CDH13: variants seen among roughly 807,000 people sequenced by gnomAD.
CDH13 encodes cadherin-13.
A neutral mutation model predicts 63.8 loss-of-function variants in CDH13; 24 were observed. The ratio of observed to expected loss-of-function variants is 0.38; its 90% confidence interval spans 0.27 to 0.53. The LOEUF is 0.53. Ranked by LOEUF, CDH13 falls within the 20% of genes least tolerant of loss-of-function variation. The probability of loss-of-function intolerance (pLI) is 0.85; values close to 1 mark genes in which losing one functional copy is unlikely to be tolerated. For synonymous variants in CDH13, 503 were observed against 355.3 expected (o/e 1.42, Z -4.67); for missense variants, 1,049 against 903.1 (o/e 1.16, Z -2.07).
At chr16:82,652,261 C>T (rs1910807774) in intron 1 of CDH13, among the ~76,000 whole-genome samples, 2 of 152,178 alleles carry the variant, frequency 1.3e-5, no homozygotes, top group African/African-American at 4.8e-5. Flanking sequence ...AACCCCTGGG[C>T]TCTGAAAGAT....
intron 1 of CDH13, among the ~76,000 whole-genome samples, chr16:82,690,559 G>A (rs116644149): frequency 1.0e-3 from 154 of 152,162 alleles, no homozygotes; most frequent in African/African-American, 3.4e-3. Flanking sequence ...GCACAGCCTC[G>A]TGGGCAGAAG....
intron 4 of CDH13, among the ~76,000 whole-genome samples, chr16:83,149,096 A>G (rs1597420504): frequency 6.6e-6 from 1 of 152,240 alleles, no homozygotes; most frequent in East Asian, 1.9e-4. Context: ...TCTTGTTACT[A>G]TGGCTACATG....
At chr16:82,703,431 A>C (rs532100265) in intron 1 of CDH13, among the ~76,000 whole-genome samples, 1 of 152,268 alleles carries the variant, frequency 6.6e-6, no homozygotes, top group Admixed American at 6.5e-5. Context: ...TCAGCTCTCA[A>C]CCAGGGATGA....
chr16:83,355,742 A>G (rs185539600), intron 6 of CDH13, among the ~76,000 whole-genome samples: 2 of 152,312 alleles, frequency 1.3e-5, no homozygotes, highest in Admixed American at 1.3e-4. Flanking sequence ...ACGAAAGAGG[A>G]AGTCAGTAAA....
intron 5 of CDH13, among the ~76,000 whole-genome samples, chr16:83,311,158 C>T (rs961984164): frequency 6.6e-6 from 1 of 152,170 alleles, no homozygotes; most frequent in African/African-American, 2.4e-5. Flanking sequence ...GACTGGGTCT[C>T]AAGTTCCTAC....
chr16:83,146,184 ACT>A (rs1169623535), intron 4 of CDH13, among the ~76,000 whole-genome samples: 1 of 127,918 alleles, frequency 7.8e-6, no homozygotes, highest in African/African-American at 3.4e-5. Flanking sequence ...ACAGAGCAAG[ACT>A]CTGTCTCAAA....
At chr16:83,625,062 A>G (rs1360942412) in intron 8 of CDH13, among the ~76,000 whole-genome samples, 1 of 152,168 alleles carries the variant, frequency 6.6e-6, no homozygotes, top group East Asian at 1.9e-4. Context: ...GACACAAGCT[A>G]CAAATCAGGG....
chr16:83,172,633 T>G (rs2037970237), intron 4 of CDH13, among the ~76,000 whole-genome samples: 1 of 151,924 alleles, frequency 6.6e-6, no homozygotes, highest in South Asian at 2.1e-4. Flanking sequence ...TGGAACAGAT[T>G]CCTCCTCACA....
chr16:82,667,031 C>T (rs1343534660), intron 1 of CDH13, among the ~76,000 whole-genome samples: 2 of 152,180 alleles, frequency 1.3e-5, no homozygotes, highest in Non-Finnish European at 2.9e-5. Flanking sequence ...TCGGAGCCTT[C>T]TGATGTTTCT....
intron 7 of CDH13, among the ~76,000 whole-genome samples, chr16:83,500,235 T>C (rs925038589): frequency 9.1e-4 from 1 of 1,094 alleles, no homozygotes; most frequent in African/African-American, 1.7e-3. Context: ...TTTCTTCTCC[T>C]TCTTCTTCTT....
chr16:83,512,309 A>G (rs1324595208), intron 7 of CDH13, among the ~76,000 whole-genome samples: 5 of 148,490 alleles, frequency 3.4e-5, no homozygotes, highest in Non-Finnish European at 7.4e-5. Context: ...GGACAGAGTG[A>G]AACTCCGTCT....
At chr16:83,184,289 A>C (rs998062984) in intron 4 of CDH13, among the ~76,000 whole-genome samples, 1 of 152,112 alleles carries the variant, frequency 6.6e-6, no homozygotes. Flanking sequence ...GAAACCAATA[A>C]TCAGCCTCTT....
At chr16:83,782,311 G>A (rs1363509466) in intron 12 of CDH13, among the ~76,000 whole-genome samples, 23 of 152,134 alleles carry the variant, frequency 1.5e-4, no homozygotes. Flanking sequence ...TGTCACCCAG[G>A]GGCCTGGGTG....
chr16:83,435,111 A>G (rs1170532053), intron 6 of CDH13, among the ~76,000 whole-genome samples: 3 of 151,608 alleles, frequency 2.0e-5, no homozygotes, highest in Non-Finnish European at 4.4e-5. Context: ...CAACGGCACA[A>G]TCTCGGCTTA....
At chr16:83,334,747 G>C (rs2090556658) in intron 5 of CDH13, among the ~76,000 whole-genome samples, 1 of 152,136 alleles carries the variant, frequency 6.6e-6, no homozygotes, top group Non-Finnish European at 1.5e-5. Context: ...GAGGTGGAGA[G>C]AGTATGAGAA....
chr16:82,836,242 G>C (rs2038762444), intron 1 of CDH13, among the ~76,000 whole-genome samples: 1 of 152,040 alleles, frequency 6.6e-6, no homozygotes. Flanking sequence ...TCCACCTCCT[G>C]GGTTCAAGCG....
chr16:82,894,638 A>G (rs1229300207), intron 2 of CDH13, among the ~76,000 whole-genome samples: 6 of 152,180 alleles, frequency 3.9e-5, no homozygotes, highest in South Asian at 2.1e-4. Flanking sequence ...CAAAACCTCC[A>G]TCTCAAAAAA....
intron 1 of CDH13, among the ~76,000 whole-genome samples, chr16:82,669,517 T>C (rs1485306658): frequency 1.3e-5 from 2 of 152,212 alleles, no homozygotes; most frequent in African/African-American, 4.8e-5. Flanking sequence ...TGTAATACTG[T>C]CTCCAGTCCT....
chr16:82,927,923 T>C (rs1475902865), intron 2 of CDH13, among the ~76,000 whole-genome samples: 1 of 152,242 alleles, frequency 6.6e-6, no homozygotes, highest in African/African-American at 2.4e-5. Flanking sequence ...GCAGTCATTG[T>C]ATTAGATATT....
Sources: gnomAD v4.1 joint callset for allele counts (sites outside exome capture counted in the v4.1 genomes callset) on GRCh38, gnomAD v4.1.1 for gene constraint, MANE v1.5 for transcripts, NCBI Gene and HGNC (gene_info 2026-07-23, HGNC 2026-07-21) for gene names.